Variants in NOTCH1 observed in about 807,000 individuals in gnomAD.
NOTCH1 encodes the protein notch receptor 1.
A neutral mutation model predicts 254.8 loss-of-function variants in NOTCH1; 37 were observed. The observed-to-expected ratio is 0.15, with a 90% CI of 0.11 to 0.19. NOTCH1 has a LOEUF of 0.19. NOTCH1 is among the 10% of genes least tolerant of loss of function. The pLI, the probability that NOTCH1 is intolerant of heterozygous loss-of-function variation, is 1.00. For synonymous variants in NOTCH1, 1,731 were observed against 1,618.1 expected (o/e 1.07, Z -1.68); for missense variants, 2,972 against 3,708.6 (o/e 0.80, Z 5.16).
chr9:136,527,967 G>A (rs532179172), intron 2 of NOTCH1, among the ~76,000 whole-genome samples: 2 of 152,224 alleles, frequency 1.3e-5, no homozygotes, highest in African/African-American at 4.8e-5. Flanking sequence ...GCCGCTCCAT[G>A]GAAATGCGAC....
At chr9:136,515,886 C>A (rs1843259894) in intron 10 of NOTCH1, 95 bp downstream of exon 10, 2 of 1,211,202 alleles carry the variant, frequency 1.7e-6, no homozygotes, top group African/African-American at 3.0e-5. Flanking sequence ...GACCAGGTGG[C>A]CCAGACCAAG....
Position 136,501,828 on chromosome 9 carries a change from A to G in NOTCH1, c.5558T>C (p.Leu1853Pro), listed in dbSNP as rs966763282. Residue 1853 changes from leucine to proline, a missense_variant, in exon 30 of 34, where the codon CTG becomes CCG. Physicochemically the swap from Leu to Pro is moderately conservative, Grantham distance 98. Around this residue, in one of 8 missense-constraint regions of NOTCH1, gnomAD observed 421 missense variants for 604.4 expected, o/e 0.70. Coordinates refer to ENST00000651671, the MANE Select transcript of NOTCH1 (RefSeq NM_017617.5). ...TGTGGGGGCCATGGCAGACATGCGCAGGTCAGCGGCATCCAGGTGCTGCTG... is the reference window on the plus strand; with the variant it reads ...TGTGGGGGCCATGGCAGACATGCGCGGGTCAGCGGCATCCAGGTGCTGCTG... ...WTQQHLDAAD[L>P]RMSAMAPTPP... The G allele has an allele frequency of 1.2e-6, 2 of 1,612,634 alleles. No homozygotes were observed. The highest frequency in any genetic ancestry group is 1.3e-5 in the African/African-American group (1 of 74,914).
At chr9:136,537,053 G>C (rs540874707) in intron 2 of NOTCH1, among the ~76,000 whole-genome samples, 1 of 152,224 alleles carries the variant, frequency 6.6e-6, no homozygotes, top group South Asian at 2.1e-4. Context: ...CAGGGGCCGC[G>C]GGCACGCCAG....
intron 2 of NOTCH1, among the ~76,000 whole-genome samples, chr9:136,537,010 G>A (rs181052090): frequency 1.4e-4 from 21 of 152,364 alleles, no homozygotes; most frequent in African/African-American, 4.6e-4. Flanking sequence ...CCCAGGGACA[G>A]GTTGTGAGCC....
chr9:136,528,357 A>C (rs571649790), intron 2 of NOTCH1, among the ~76,000 whole-genome samples: 101 of 20,222 alleles, frequency 5.0e-3, no homozygotes, highest in African/African-American at 0.021. Flanking sequence ...CCACCAGGTG[A>C]CAGCACCTCC....
chr9:136,538,819 T>G (rs1029082106), intron 2 of NOTCH1, among the ~76,000 whole-genome samples: 1 of 152,220 alleles, frequency 6.6e-6, no homozygotes, highest in African/African-American at 2.4e-5. Context: ...AGCGGCGTCC[T>G]GAGTGTGGAG....
At chr9:136,511,605 C>T (rs1455416404) in intron 15 of NOTCH1, among the ~76,000 whole-genome samples, 3 of 152,352 alleles carry the variant, frequency 2.0e-5, no homozygotes, top group East Asian at 3.9e-4. Flanking sequence ...CGGCCTCAGT[C>T]GGGTGGGCTC....
chr9:136,525,453 G>A (rs1200128952), intron 2 of NOTCH1, among the ~76,000 whole-genome samples: 4 of 152,260 alleles, frequency 2.6e-5, no homozygotes, highest in Non-Finnish European at 5.9e-5. Context: ...CTCTGAAGCA[G>A]AACATGCCAC....
chr9:136,528,065 G>A (rs909420422), intron 2 of NOTCH1, among the ~76,000 whole-genome samples: 3 of 151,948 alleles, frequency 2.0e-5, no homozygotes, highest in Non-Finnish European at 2.9e-5. Context: ...TAAGCTAAGC[G>A]GCCATCTGCC....
intron 2 of NOTCH1, among the ~76,000 whole-genome samples, chr9:136,526,335 A>C (rs2133383118): frequency 6.6e-6 from 1 of 152,310 alleles, no homozygotes; most frequent in South Asian, 2.1e-4. Context: ...GCTTGGAGAA[A>C]AGGCCCTTTT....
chr9:136,526,433 C>T (rs914032201), intron 2 of NOTCH1, among the ~76,000 whole-genome samples: 2 of 152,246 alleles, frequency 1.3e-5, no homozygotes, highest in Non-Finnish European at 2.9e-5. Context: ...GCTCCTCAGC[C>T]TGGCCCATGC....
In NOTCH1 at chr9:136,510,947, T is replaced by C. The variant is rs1040484508; in HGVS notation, c.2588-142A>G. 3 of 1,386,942 alleles carry C rather than the reference T, an allele frequency of 2.2e-6. No individual in the cohort carries two copies. In the African/African-American group the frequency reaches 4.3e-5, roughly 20 times the overall value. The allele number at this position is 1,386,942 out of a possible 1,614,324, so 85.9% of individuals were successfully genotyped here. A position where few individuals can be genotyped will look rare whatever the true frequency, so the allele number is the denominator to read the frequency against. ...CCCAGGACCATCCCCTCTCCCCTAATTTTGGCCTAAGAAGGTCACAGGAAC... is the reference window on the plus strand; with the variant it reads ...CCCAGGACCATCCCCTCTCCCCTAACTTTGGCCTAAGAAGGTCACAGGAAC... On this transcript the variant is annotated intron_variant, in intron 16 of 33. Transcript: ENST00000651671.
In NOTCH1 at chr9:136,540,730, G is replaced by C. The variant is rs554835983; in HGVS notation, c.140+3294C>G. On this transcript the variant is annotated intron_variant, in intron 2 of 33. Coordinates refer to ENST00000651671, the MANE Select transcript of NOTCH1 (RefSeq NM_017617.5). This position sits in a 1 kb window ranked among gnomAD's most constrained non-coding sequence, Gnocchi z 4.4. ...ACACGAGGTTGTCCAAAGCTAAAGC[G>C]CACCACCCAGCAGGCAGCTGGACAT... Among the ~76,000 whole-genome samples, 8 of 152,114 alleles carry C rather than the reference G, an allele frequency of 5.3e-5. No homozygotes were observed. In the East Asian group the frequency reaches 1.5e-3, roughly 29 times the overall value.
At position 136,517,291 on chromosome 9, in the gene NOTCH1, G is replaced by A. The variant is rs771150144; in HGVS notation, c.1536C>T (p.Phe512=). 3 of 1,606,578 alleles carry A rather than the reference G, an allele frequency of 1.9e-6. No homozygotes were observed. The highest frequency in any genetic ancestry group is 2.7e-5 in the African/African-American group (2 of 74,738). ...CCTCACCCGTGGGGCACTCGCACTGGAACTCATTGATCTTGTCCAGGCAGC... is the reference window on the plus strand; with the variant it reads ...CCTCACCCGTGGGGCACTCGCACTGAAACTCATTGATCTTGTCCAGGCAGC... The part of the protein sequence containing the change: ...NGRCLDKINE[F]QCECPTGFTG... Residue 512 remains phenylalanine (F), a synonymous_variant, in exon 9 of 34, where the codon TTC becomes TTT. Coordinates refer to ENST00000651671, the MANE Select transcript of NOTCH1 (RefSeq NM_017617.5).
rs1256895718 is a variant in NOTCH1 at position 136,522,982 on chromosome 9, A to G, written c.610T>C (p.Cys204Arg). The G allele has an allele frequency of 6.4e-7, 1 of 1,558,820 alleles. No individual in the cohort carries two copies. The highest frequency in any genetic ancestry group is 1.4e-5 in the African/African-American group (1 of 73,620). The change falls in exon 4 of 34, where the codon TGC becomes CGC. Residue 204 changes from cysteine (C) to arginine (R), a missense_variant. By Grantham distance (180) the Cys-to-Arg change is radical. Around this residue, in one of 8 missense-constraint regions of NOTCH1, gnomAD observed 374 missense variants for 496.3 expected, o/e 0.75. Coordinates refer to ENST00000651671, the MANE Select transcript of NOTCH1 (RefSeq NM_017617.5). ...TCHNEVGSYR[C>R]VCRATHTGPN... ...CCAGTGTGGGTGGCGCGGCAGACGC[A>G]GCGGTAGGAGCCGACCTCGTTGTGG...
At chr9:136,514,429 C>T (rs1362710514) in intron 13 of NOTCH1, 81 bp downstream of exon 13, 21 of 1,458,656 alleles carry the variant, frequency 1.4e-5, no homozygotes, top group Non-Finnish European at 2.0e-5. Context: ...ATCTCAAGCT[C>T]TGTGCAGGTG....
intron 2 of NOTCH1, among the ~76,000 whole-genome samples, chr9:136,541,594 A>G (rs958774871): frequency 6.6e-6 from 1 of 152,072 alleles, no homozygotes; most frequent in Non-Finnish European, 1.5e-5. Context: ...GCCCTGGCTA[A>G]CTCCTGGACA....
Position 136,514,679 on chromosome 9 carries a change from C to T in NOTCH1, c.2038G>A (p.Asp680Asn), listed in dbSNP as rs749761941. The T allele has an allele frequency of 4.3e-6, 7 of 1,612,288 alleles. No individual in the cohort carries two copies. The highest frequency in any genetic ancestry group is 4.5e-5 in the East Asian group (2 of 44,876). Residue 680 changes from aspartate to asparagine, a missense_variant, in exon 13 of 34, where the codon GAT becomes AAT. Around this residue, in one of 8 missense-constraint regions of NOTCH1, gnomAD observed 1,343 missense variants for 1,557.0 expected, o/e 0.86. Coordinates refer to ENST00000651671, the MANE Select transcript of NOTCH1 (RefSeq NM_017617.5). ...YTGSMCNINI[D>N]ECAGNPCHNG... ...TGGCAGGGGTTGCCCGCACACTCAT[C>T]GATGTTGATGTTACACATGCTCCCT...
chr9:136,541,139 G>A (rs1282232745), intron 2 of NOTCH1, among the ~76,000 whole-genome samples: 1 of 152,170 alleles, frequency 6.6e-6, no homozygotes, highest in Non-Finnish European at 1.5e-5. Flanking sequence ...TCGCACAGCA[G>A]CTGCCCAGAG....
Sources: allele counts gnomAD v4.1 joint callset (sites outside exome capture counted in the v4.1 genomes callset), GRCh38; gene constraint gnomAD v4.1.1; regional missense constraint gnomAD v4.1.1; non-coding constraint Gnocchi (gnomAD v3.1); transcripts MANE v1.5; gene names NCBI Gene and HGNC (gene_info 2026-07-23, HGNC 2026-07-21).